The following PCDH11X variants were observed in gnomAD, a reference collection of about 807,000 sequenced individuals.
PCDH11X encodes protocadherin-11 X-linked.
A neutral mutation model predicts 53.3 loss-of-function variants in PCDH11X; 18 were observed. That is an observed-to-expected ratio of 0.34 (90% CI 0.23 to 0.50). PCDH11X has a LOEUF of 0.50. PCDH11X is among the 20% of genes least tolerant of loss of function. The pLI is 0.98. For missense variants in PCDH11X, 570 were observed against 1,032.4 expected (o/e 0.55, Z 6.14); for synonymous variants, 279 against 393.3 (o/e 0.71, Z 3.44).
At chrX:92,250,171 T>C (rs899144633) in intron 7 of PCDH11X, among the ~76,000 whole-genome samples, 10 of 111,841 alleles carry the variant, frequency 8.9e-5, no homozygotes, top group South Asian at 3.7e-4. Context: ...AGTAGAATAG[T>C]TATGCTACAT....
chrX:92,223,319 C>T (rs971802120), intron 7 of PCDH11X, among the ~76,000 whole-genome samples: 9 of 112,074 alleles, frequency 8.0e-5, no homozygotes, highest in African/African-American at 2.6e-4. Context: ...AAAGCACCCA[C>T]CTGGCTTTTA....
intron 10 of PCDH11X, among the ~76,000 whole-genome samples, chrX:92,541,762 C>T (rs1006085015): frequency 2.8e-5 from 3 of 107,714 alleles, no homozygotes; most frequent in African/African-American, 1.0e-4. Context: ...TCGAGACCAG[C>T]TTGGTCAACA....
intron 5 of PCDH11X, among the ~76,000 whole-genome samples, chrX:91,854,909 T>A (rs753852880): frequency 8.0e-5 from 9 of 111,841 alleles, no homozygotes; most frequent in African/African-American, 2.9e-4. Context: ...CTTTGTCAGA[T>A]GGGTAGTTTG....
At chrX:92,512,495 A>G (rs2074180785) in intron 10 of PCDH11X, among the ~76,000 whole-genome samples, 1 of 111,860 alleles carries the variant, frequency 8.9e-6, no homozygotes, top group African/African-American at 3.2e-5. Context: ...TTTATGAAAT[A>G]TGAAATTGAG....
chrX:92,403,339 GTT>G (rs1191277649), intron 9 of PCDH11X, among the ~76,000 whole-genome samples: 27 of 49,344 alleles, frequency 5.5e-4, no homozygotes, highest in African/African-American at 1.2e-3. Context: ...GTTTTTTTTT[GTT>G]TTTTTTTTTT....
chrX:92,146,192 A>T (rs1259847183), intron 6 of PCDH11X, among the ~76,000 whole-genome samples: 1 of 111,034 alleles, frequency 9.0e-6, no homozygotes, highest in Admixed American at 9.7e-5. Flanking sequence ...ATGGGCCAAT[A>T]AAAACTGAAC....
intron 6 of PCDH11X, among the ~76,000 whole-genome samples, chrX:92,032,465 C>T (rs1463509704): frequency 9.1e-6 from 1 of 110,291 alleles, no homozygotes; most frequent in African/African-American, 3.3e-5. Context: ...ATTTGGATGC[C>T]CTTTATTTCT....
At chrX:91,974,832 A>T (rs2062024196) in intron 6 of PCDH11X, among the ~76,000 whole-genome samples, 1 of 108,484 alleles carries the variant, frequency 9.2e-6, no homozygotes. Context: ...GGCTCACTGC[A>T]ACCTCCACCT....
intron 6 of PCDH11X, among the ~76,000 whole-genome samples, chrX:92,166,012 A>G (rs2065725805): frequency 9.0e-6 from 1 of 111,577 alleles, no homozygotes; most frequent in Admixed American, 9.6e-5. Context: ...GCATATTGAT[A>G]GGGATTGTGA....
At chrX:92,333,749 A>G (rs890211298) in intron 8 of PCDH11X, among the ~76,000 whole-genome samples, 37 of 110,338 alleles carry the variant, frequency 3.4e-4, no homozygotes, top group Middle Eastern at 4.7e-3. Context: ...TAAATCATCT[A>G]TGATATTTTT....
chrX:92,251,214 T>A (rs1483703138), intron 7 of PCDH11X, among the ~76,000 whole-genome samples: 4 of 110,650 alleles, frequency 3.6e-5, no homozygotes, highest in African/African-American at 1.3e-4. Context: ...GAGCTAGGAG[T>A]TGAACCTCGA....
At position 92,392,339 on chromosome X, in the gene PCDH11X, A is replaced by G. The variant is rs2071148837; in HGVS notation, c.3343+4406A>G. Among the ~76,000 whole-genome samples, 3 of 111,213 alleles carry G rather than the reference A, an allele frequency of 2.7e-5. No individual in the cohort carries two copies. In the Admixed American group the frequency reaches 2.9e-4, roughly 11 times the overall value. ...TGTCTGCTAGAGTTTATCTCAGGTT[A>G]GCAAATCTGTTTGACATTCATTTTT... On this transcript the variant is annotated intron_variant, in intron 9 of 10. Coordinates refer to ENST00000682573, the MANE Select transcript of PCDH11X (RefSeq NM_032968.5).
chrX:92,061,831 A>G (rs2063527786), intron 6 of PCDH11X, among the ~76,000 whole-genome samples: 1 of 111,786 alleles, frequency 8.9e-6, no homozygotes, highest in Non-Finnish European at 1.9e-5. Flanking sequence ...AAATTTAAAG[A>G]TAGCATTTTC....
intron 6 of PCDH11X, among the ~76,000 whole-genome samples, chrX:91,973,671 GT>G (rs2062005698): frequency 1.0e-5 from 1 of 97,732 alleles, no homozygotes; most frequent in African/African-American, 3.8e-5. Context: ...CTGGAGTGCA[GT>G]GGCAGGATCT....
chrX:92,291,110 A>G (rs1215992669), intron 8 of PCDH11X, among the ~76,000 whole-genome samples: 1 of 104,093 alleles, frequency 9.6e-6, no homozygotes, highest in Admixed American at 1.1e-4. Context: ...CAGTCTTACT[A>G]TGTTTCCCAG....
intron 8 of PCDH11X, among the ~76,000 whole-genome samples, chrX:92,345,677 A>G (rs2069876218): frequency 9.0e-6 from 1 of 111,433 alleles, no homozygotes; most frequent in Non-Finnish European, 1.9e-5. Flanking sequence ...AAATAAGTTC[A>G]TTGTCTTGAT....
intron 10 of PCDH11X, among the ~76,000 whole-genome samples, chrX:92,586,979 T>A (rs1876331112): frequency 1.1e-5 from 1 of 91,072 alleles, no homozygotes; most frequent in Non-Finnish European, 2.1e-5. Context: ...ACAGAAGCCT[T>A]TTTTTTTTTT....
chrX:92,534,329 T>C (rs192786430), intron 10 of PCDH11X, among the ~76,000 whole-genome samples: 26 of 110,192 alleles, frequency 2.4e-4, no homozygotes, highest in African/African-American at 7.9e-4. Flanking sequence ...ATGAATGAAA[T>C]GAAGCGAGAA....
At chrX:92,233,082 C>T (rs965228042) in intron 7 of PCDH11X, among the ~76,000 whole-genome samples, 5 of 111,045 alleles carry the variant, frequency 4.5e-5, no homozygotes, top group African/African-American at 1.7e-4. Flanking sequence ...TTATCCATTG[C>T]TTCTTTTGAT....
Sources: gnomAD v4.1 joint callset for allele counts (sites outside exome capture counted in the v4.1 genomes callset) on GRCh38, gnomAD v4.1.1 for gene constraint, MANE v1.5 for transcripts, NCBI Gene and HGNC (gene_info 2026-07-23, HGNC 2026-07-21) for gene names.